The following SNTG2 variants were observed in gnomAD, a reference collection of about 807,000 sequenced individuals.
SNTG2 encodes the protein syntrophin gamma 2.
Under a neutral mutation model 70.9 loss-of-function variants are expected in SNTG2, and 74 were observed. The ratio of observed to expected loss-of-function variants is 1.04; its 90% CI spans 0.86 to 1.27. SNTG2 has a LOEUF of 1.27. Ranked by LOEUF, SNTG2 falls within the 50% of genes most tolerant of loss-of-function variation. The pLI is 0.00. For missense variants in SNTG2, 717 were observed against 690.7 expected (o/e 1.04, Z -0.43); for synonymous variants, 278 against 273.8 (o/e 1.02, Z -0.15).
intron 11 of SNTG2, among the ~76,000 whole-genome samples, chr2:1,245,063 T>C (rs1354534250): frequency 7.2e-6 from 1 of 139,150 alleles, no homozygotes; most frequent in Non-Finnish European, 1.5e-5. Flanking sequence ...TAGATGGGAA[T>C]TGAACAATGA....
At chr2:1,239,587 T>G in intron 10 of SNTG2, 151 bp from the exon 11 acceptor site, 1 of 679,836 alleles carries the variant, frequency 1.5e-6, no homozygotes, top group Non-Finnish European at 2.5e-6. Flanking sequence ...ATGTTTGTAT[T>G]GACTCTGGCT....
rs892396521 is a variant in SNTG2 at position 1,060,530 on chromosome 2, G to A, written c.73-22988G>A. The stretch of plus-strand genomic sequence containing the variant: ...TTCTTCTTCACAAAAGGGAACCAGG[G>A]CCCCTGAGGACAGTCTGGCTCCAGC... On this transcript the variant is annotated intron_variant, in intron 1 of 16. Transcript: ENST00000308624. Among the ~76,000 whole-genome samples, 24 of 152,238 alleles carry A rather than the reference G, an allele frequency of 1.6e-4. No individual in the cohort carries two copies. The East Asian group carries it at 4.6e-3, about 29-fold the overall frequency.
At chr2:1,306,141 A>G (rs1483696654) in intron 14 of SNTG2, among the ~76,000 whole-genome samples, 1 of 152,190 alleles carries the variant, frequency 6.6e-6, no homozygotes, top group Non-Finnish European at 1.5e-5. Context: ...AAGGTGGGCA[A>G]GGGGAGCTGG....
chr2:1,131,351 C>T (rs1667999473), intron 4 of SNTG2, among the ~76,000 whole-genome samples: 1 of 152,086 alleles, frequency 6.6e-6, no homozygotes, highest in Admixed American at 6.6e-5. Context: ...AATTTAAGTT[C>T]CAGAGTCATG....
chr2:1,164,019 G>T lies in SNTG2; in HGVS notation c.412-1529G>T, dbSNP rs143947874. Among the ~76,000 whole-genome samples the T allele has an allele frequency of 9.1e-3, 1,380 of 152,318 alleles. 12 individuals are homozygous for T. Among genetic ancestry groups the T allele is most frequent in the Non-Finnish European group, 0.013 (866 of 68,036 alleles). Reference sequence around the variant, plus strand: ...GTGCAGAACTGTAATCCTCCAGGTAGGCAATGACGGGCATGGAAAGTGACT... The same window carrying T: ...GTGCAGAACTGTAATCCTCCAGGTATGCAATGACGGGCATGGAAAGTGACT... On this transcript the variant is annotated intron_variant, in intron 6 of 16. Transcript: ENST00000308624.
At chr2:1,208,200 G>A (rs1216938840) in intron 8 of SNTG2, among the ~76,000 whole-genome samples, 1 of 151,938 alleles carries the variant, frequency 6.6e-6, no homozygotes, top group African/African-American at 2.4e-5. Flanking sequence ...TTGTGAGTGT[G>A]GGGCTTGCCT....
At chr2:1,092,455 A>C (rs1304401558) in intron 2 of SNTG2, among the ~76,000 whole-genome samples, 1 of 152,156 alleles carries the variant, frequency 6.6e-6, no homozygotes, top group African/African-American at 2.4e-5. Flanking sequence ...GGCTGAACAA[A>C]CCTGGGGGCA....
chr2:1,308,314 G>C lies in SNTG2; in HGVS notation c.1285-180G>C, dbSNP rs150761574. On this transcript the variant is annotated intron_variant, in intron 14 of 16. Transcript: ENST00000308624. ...CTTGACAAAAAGCAAGAAAGAACCT[G>C]TATGCAGTTGTTCCTGTGGGTCTCC... Among the ~76,000 whole-genome samples the C allele has an allele frequency of 2.5e-3, 380 of 152,226 alleles. 1 individual carries two copies. The highest frequency in any genetic ancestry group is 8.5e-3 in the African/African-American group (351 of 41,532).
chr2:1,279,113 G>A (rs900172589), intron 14 of SNTG2, among the ~76,000 whole-genome samples: 14 of 148,916 alleles, frequency 9.4e-5, no homozygotes, highest in African/African-American at 3.0e-4. Context: ...CCCTGTCAGC[G>A]CGCGAATCAC....
At chr2:984,633 T>A (rs576160863) in intron 1 of SNTG2, among the ~76,000 whole-genome samples, 1 of 152,344 alleles carries the variant, frequency 6.6e-6, no homozygotes, top group East Asian at 1.9e-4. Flanking sequence ...GCTGTGGCCC[T>A]GCCGTCCTGA....
intron 6 of SNTG2, among the ~76,000 whole-genome samples, chr2:1,139,603 A>G (rs763249417): frequency 1.2e-4 from 18 of 152,260 alleles, no homozygotes; most frequent in Middle Eastern, 3.4e-3. Context: ...AGACAGGAGG[A>G]TCACTTGAGG....
At chr2:1,204,307 C>T (rs1292079824) in intron 8 of SNTG2, among the ~76,000 whole-genome samples, 1 of 152,164 alleles carries the variant, frequency 6.6e-6, no homozygotes, top group African/African-American at 2.4e-5. Flanking sequence ...ATTTATGCCT[C>T]AATACAGTTC....
chr2:1,022,903 T>C lies in SNTG2; in HGVS notation c.73-60615T>C, dbSNP rs562925611. Among the ~76,000 whole-genome samples the C allele has an allele frequency of 8.5e-5, 13 of 152,212 alleles. No homozygotes were observed. In the South Asian group the frequency reaches 1.9e-3, roughly 22 times the overall value. On this transcript the variant is annotated intron_variant, in intron 1 of 16. Coordinates refer to ENST00000308624, the MANE Select transcript of SNTG2 (RefSeq NM_018968.4). ...GAGAAACAAGGCCTAGGGACTGTCG[T>C]CTGGAGAGTTAAGATTTACTTTAAG... is the stretch of plus-strand genomic sequence containing the variant.
chr2:1,155,315 C>T (rs1300963089), intron 6 of SNTG2, among the ~76,000 whole-genome samples: 4 of 151,782 alleles, frequency 2.6e-5, no homozygotes, highest in African/African-American at 9.7e-5. Flanking sequence ...CACACATTCA[C>T]ACCACATGCA....
At chr2:1,125,647 TTTACAA>T (rs1333719589) in intron 4 of SNTG2, among the ~76,000 whole-genome samples, 4 of 147,372 alleles carry the variant, frequency 2.7e-5, no homozygotes, top group Non-Finnish European at 5.9e-5. Flanking sequence ...TTCTTAAAGA[TTTACAA>T]TTAAAGATTT....
intron 11 of SNTG2, among the ~76,000 whole-genome samples, chr2:1,244,457 G>A (rs1415790205): frequency 6.6e-6 from 1 of 152,120 alleles, no homozygotes; most frequent in East Asian, 1.9e-4. Flanking sequence ...AGCACTTTGG[G>A]AGGCCGAGGC....
At chr2:1,189,650 C>A (rs1672457467) in intron 8 of SNTG2, among the ~76,000 whole-genome samples, 1 of 151,914 alleles carries the variant, frequency 6.6e-6, no homozygotes, top group African/African-American at 2.4e-5. Flanking sequence ...CCTCTGCCTC[C>A]CGGGTTCAAG....
intron 14 of SNTG2, among the ~76,000 whole-genome samples, chr2:1,305,092 G>T (rs776711429): frequency 7.9e-5 from 12 of 151,870 alleles, no homozygotes; most frequent in Non-Finnish European, 1.3e-4. Context: ...TTTTTCTATG[G>T]GTCACCATAT....
In SNTG2 at chr2:1,061,481, A is replaced by G. The variant is rs763874304; in HGVS notation, c.73-22037A>G. Reference sequence around the variant, plus strand: ...AGGTTGAGGAAGTGTTTTGCCTCTGATAAAAGGGCAGGCATGCTTATTGAA... The same window carrying G: ...AGGTTGAGGAAGTGTTTTGCCTCTGGTAAAAGGGCAGGCATGCTTATTGAA... On this transcript the variant is annotated intron_variant, in intron 1 of 16. Coordinates refer to ENST00000308624, the MANE Select transcript of SNTG2 (RefSeq NM_018968.4). Among the ~76,000 whole-genome samples, 13 of 152,298 alleles carry G rather than the reference A, an allele frequency of 8.5e-5. No individual in the cohort carries two copies. The South Asian group carries it at 2.5e-3, about 29-fold the overall frequency.
Sources: allele counts gnomAD v4.1 joint callset (sites outside exome capture counted in the v4.1 genomes callset), GRCh38; gene constraint gnomAD v4.1.1; transcripts MANE v1.5; gene names NCBI Gene and HGNC (gene_info 2026-07-23, HGNC 2026-07-21).